The following RYR2 variants were observed in gnomAD, a reference collection of about 807,000 sequenced individuals.
The protein encoded by RYR2 is ryanodine receptor 2.
A neutral mutation model predicts 601.1 loss-of-function variants in RYR2; 227 were observed. The observed-to-expected ratio is 0.38, with a 90% CI of 0.34 to 0.42. The LOEUF (loss-of-function observed/expected upper bound fraction) is 0.42, where lower values mean the gene tolerates loss of function less well. Among genes scored for constraint, RYR2 ranks in the 10% least tolerant of loss-of-function variants. The pLI is 1.00. For missense variants in RYR2, 4,646 were observed against 6,156.5 expected, an observed-to-expected ratio of 0.75 and a Z score of 8.21; for synonymous variants, 2,223 against 2,175.1, an observed-to-expected ratio of 1.02 and a Z score of -0.61.
At chr1:237,472,180 G>A (rs942931336) in intron 17 of RYR2, among the ~76,000 whole-genome samples, 11 of 152,202 alleles carry the variant, frequency 7.2e-5, no homozygotes, top group Non-Finnish European at 1.3e-4. Context: ...ACATGTGTAT[G>A]TATATAACTT....
chr1:237,084,743 TA>T (rs1666114513), intron 1 of RYR2, among the ~76,000 whole-genome samples: 1 of 152,250 alleles, frequency 6.6e-6, no homozygotes, highest in Non-Finnish European at 1.5e-5. Flanking sequence ...TTGAATGTGC[TA>T]GTCCCTTTTT....
At chr1:237,364,000 T>G (rs16835170) in intron 4 of RYR2, among the ~76,000 whole-genome samples, 1 of 151,982 alleles carries the variant, frequency 6.6e-6, no homozygotes, top group Non-Finnish European at 1.5e-5. Context: ...ATGCAAAAGA[T>G]GCAAGTTGGT....
chr1:237,628,161 A>G, intron 41 of RYR2, 81 bp downstream of exon 41: 2 of 1,410,520 alleles, frequency 1.4e-6, no homozygotes, highest in African/African-American at 1.4e-5. Flanking sequence ...CATTAACTAC[A>G]TTGATAAAAA....
intron 17 of RYR2, among the ~76,000 whole-genome samples, chr1:237,475,334 T>G (rs1475968423): frequency 2.0e-5 from 3 of 152,220 alleles, no homozygotes; most frequent in Non-Finnish European, 4.4e-5. Flanking sequence ...TCTCTTATTT[T>G]GGGGTTCTGT....
intron 2 of RYR2, among the ~76,000 whole-genome samples, chr1:237,277,089 C>T (rs1690365443): frequency 6.6e-6 from 1 of 152,076 alleles, no homozygotes. Context: ...AAGGTTATTC[C>T]AGGAATCCAA....
At chr1:237,532,217 A>G (rs930690076) in intron 25 of RYR2, among the ~76,000 whole-genome samples, 9 of 152,158 alleles carry the variant, frequency 5.9e-5, no homozygotes, top group Admixed American at 2.0e-4. Flanking sequence ...GAAATAGCTC[A>G]TAGTAAGATG....
intron 13 of RYR2, among the ~76,000 whole-genome samples, chr1:237,441,802 C>G (rs975511692): frequency 1.3e-5 from 2 of 152,078 alleles, no homozygotes; most frequent in African/African-American, 4.8e-5. Context: ...TACTGACATC[C>G]CCTTGCTTAC....
In RYR2 at chr1:237,503,513, G is replaced by T; in HGVS notation, c.2613+8G>T. 1 of 1,612,596 alleles carries T rather than the reference G, an allele frequency of 6.2e-7. No individual in the cohort carries two copies. Among genetic ancestry groups the T allele is most frequent in the South Asian group, 1.1e-5 (1 of 91,054 alleles). On this transcript the variant is annotated splice_region_variant and intron_variant, in intron 22 of 104. Transcript: ENST00000366574. ...CCTGTGGATACCAGCCAGGTACCAAGATCCACTCGAATGGCAATCACTGGT... is the reference window on the plus strand; with the variant it reads ...CCTGTGGATACCAGCCAGGTACCAATATCCACTCGAATGGCAATCACTGGT...
intron 1 of RYR2, among the ~76,000 whole-genome samples, chr1:237,247,022 A>T (rs1020314131): frequency 6.6e-6 from 1 of 152,208 alleles, no homozygotes; most frequent in Admixed American, 6.5e-5. Context: ...TATTGCTATT[A>T]ACTGAAAGAT....
At chr1:237,169,411 G>T (rs1237869974) in intron 1 of RYR2, among the ~76,000 whole-genome samples, 1 of 151,744 alleles carries the variant, frequency 6.6e-6, no homozygotes, top group Non-Finnish European at 1.5e-5. Context: ...CAATTCTCCT[G>T]CCTCAGCCTC....
chr1:237,354,551 A>G (rs1699135603), intron 3 of RYR2, among the ~76,000 whole-genome samples: 1 of 152,002 alleles, frequency 6.6e-6, no homozygotes, highest in Non-Finnish European at 1.5e-5. Flanking sequence ...TTTTTTGGGG[A>G]AGAGAATAAA....
At chr1:237,438,389 A>C (rs1196996568) in intron 12 of RYR2, among the ~76,000 whole-genome samples, 1 of 152,056 alleles carries the variant, frequency 6.6e-6, no homozygotes, top group Non-Finnish European at 1.5e-5. Flanking sequence ...AGTATATTGG[A>C]TATTGGGAAT....
rs760402758 is a variant in RYR2, at chr1:237,550,518, C to CGGCT, written c.3067-24_3067-21dup. 2.5e-6 allele frequency: 4 copies of CGGCT among 1,602,890 alleles called. No homozygotes were observed. In the African/African-American group the frequency reaches 4.0e-5, roughly 16 times the overall value. ...CTAAAAGCCCTTGGTATTGCTTTGACGGCTGCACCCTGTGTTTTCCTGCAG... is the reference window on the plus strand; with the variant it reads ...CTAAAAGCCCTTGGTATTGCTTTGACGGCTGGCTGCACCCTGTGTTTTCCTGCAG... On this transcript the variant is annotated intron_variant, in intron 26 of 104. Transcript: ENST00000366574.
At chr1:237,098,379 TTGTGTGTATGTGTGTG>T (rs1282785655) in intron 1 of RYR2, among the ~76,000 whole-genome samples, 41 of 58,796 alleles carry the variant, frequency 7.0e-4, no homozygotes, top group South Asian at 5.9e-3. Context: ...ATAGTTGCCA[TTGTGTGTATGTGTGTG>T]TGTGTGTGTG....
At chr1:237,619,846 A>G (rs1410058258) in intron 38 of RYR2, among the ~76,000 whole-genome samples, 1 of 152,164 alleles carries the variant, frequency 6.6e-6, no homozygotes, top group Non-Finnish European at 1.5e-5. Flanking sequence ...TCAGAGTTCT[A>G]TGTACTTTGA....
intron 1 of RYR2, among the ~76,000 whole-genome samples, chr1:237,139,900 G>A (rs1673198918): frequency 1.3e-5 from 2 of 152,228 alleles, no homozygotes; most frequent in African/African-American, 4.8e-5. Flanking sequence ...TGTGTGACGT[G>A]CTAGCTCACA....
chr1:237,567,069 G>C (rs560114197), intron 28 of RYR2, among the ~76,000 whole-genome samples: 5 of 151,806 alleles, frequency 3.3e-5, no homozygotes, highest in African/African-American at 9.7e-5. Context: ...ATACATTGAC[G>C]CAGCGATTCC....
intron 27 of RYR2, among the ~76,000 whole-genome samples, chr1:237,563,911 A>G (rs545792782): frequency 2.6e-5 from 4 of 152,278 alleles, no homozygotes; most frequent in African/African-American, 9.6e-5. Flanking sequence ...TTCCAAAAAA[A>G]CTGTAGTATA....
At chr1:237,615,595 T>G (rs1357477514) in intron 37 of RYR2, among the ~76,000 whole-genome samples, 1 of 152,144 alleles carries the variant, frequency 6.6e-6, no homozygotes, top group African/African-American at 2.4e-5. Flanking sequence ...TTAAAGTCAA[T>G]TGGATGTTTG....
Sources: allele counts gnomAD v4.1 joint callset (sites outside exome capture counted in the v4.1 genomes callset), GRCh38; gene constraint gnomAD v4.1.1; transcripts MANE v1.5; gene names NCBI Gene and HGNC (gene_info 2026-07-23, HGNC 2026-07-21).